Variants in CFAP92 observed in about 807,000 individuals in gnomAD.
CFAP92 encodes the protein cilia and flagella associated protein 92 (putative).
CFAP92 carries 86 observed loss-of-function variants against 106.3 expected under a neutral mutation model. That is an observed-to-expected ratio of 0.81 (90% CI 0.68 to 0.97). The LOEUF (loss-of-function observed/expected upper bound fraction) is 0.97. Among genes scored for constraint, CFAP92 ranks in the 50% least tolerant of loss-of-function variants. The pLI is 0.00. For synonymous variants in CFAP92, 477 were observed against 506.4 expected, an observed-to-expected ratio of 0.94 and a Z score of 0.78; for missense variants, 1,204 against 1,283.8, an observed-to-expected ratio of 0.94 and a Z score of 0.95.
chr3:128,947,818 C>T (rs1489073702), intron 9 of CFAP92, among the ~76,000 whole-genome samples: 1 of 151,340 alleles, frequency 6.6e-6, no homozygotes, highest in Non-Finnish European at 1.5e-5. Flanking sequence ...ACCTGGACAA[C>T]AAATGAGATT....
upstream of CFAP92, among the ~76,000 whole-genome samples, chr3:128,998,738 T>C (rs542211227): frequency 2.0e-5 from 3 of 152,176 alleles, no homozygotes; most frequent in Non-Finnish European, 4.4e-5. Flanking sequence ...TCTGGAGCAG[T>C]GTCTGCAAAG....
chr3:129,026,237 G>A, the CFAP92 span, among the ~76,000 whole-genome samples: 3 of 152,224 alleles, frequency 2.0e-5, no homozygotes, highest in Non-Finnish European at 2.9e-5. Context: ...CTAGGAGGTG[G>A]AGTGTGGGGA....
intron 12 of CFAP92, among the ~76,000 whole-genome samples, chr3:128,925,423 G>T (rs544524268): frequency 6.6e-6 from 1 of 152,094 alleles, no homozygotes; most frequent in Non-Finnish European, 1.5e-5. Flanking sequence ...AACAGGCCTC[G>T]AACTGCTACT....
upstream of CFAP92, chr3:129,003,972 TG>T (rs1378990674): frequency 6.8e-7 from 1 of 1,472,464 alleles, no homozygotes; most frequent in East Asian, 3.0e-5. Flanking sequence ...CGGCAGGTGG[TG>T]CTGCGCAGCC....
the CFAP92 span, among the ~76,000 whole-genome samples, chr3:129,025,961 C>G: frequency 1.3e-5 from 2 of 152,228 alleles, no homozygotes; most frequent in Non-Finnish European, 2.9e-5. Flanking sequence ...TTGTGCCTGG[C>G]ATGTGGGCCT....
chr3:128,997,263 A>G (rs528741671), upstream of CFAP92, among the ~76,000 whole-genome samples: 1 of 152,328 alleles, frequency 6.6e-6, no homozygotes, highest in South Asian at 2.1e-4. Context: ...CATATTGGGA[A>G]TCAGCTACAT....
In CFAP92 at chr3:128,910,058, C is replaced by A; in HGVS notation, c.*241G>T. 1 of 1,613,938 alleles carries A rather than the reference C, an allele frequency of 6.2e-7. No individual in the cohort carries two copies. The highest frequency in any genetic ancestry group is 8.5e-7 in the Non-Finnish European group (1 of 1,180,004). Reference sequence around the variant, plus strand: ...GAGCAGCTGGTACTGAAGCGGGTGGCCAACATCCTCATCAACCTGTATGGC... The same window carrying A: ...GAGCAGCTGGTACTGAAGCGGGTGGACAACATCCTCATCAACCTGTATGGC... On this transcript the variant is annotated 3_prime_UTR_variant, in exon 16 of 16. Transcript: ENST00000645291.
At chr3:129,020,212 T>G in the CFAP92 span, among the ~76,000 whole-genome samples, 16 of 152,306 alleles carry the variant, frequency 1.1e-4, no homozygotes, top group Non-Finnish European at 2.1e-4. Context: ...AAAGGAAAGA[T>G]GAACAAGCAG....
intron 12 of CFAP92, among the ~76,000 whole-genome samples, chr3:128,927,154 T>C (rs1937750908): frequency 6.6e-6 from 1 of 151,870 alleles, no homozygotes; most frequent in Admixed American, 6.6e-5. Flanking sequence ...AAAGAGATCA[T>C]ATGAGTACGC....
the CFAP92 span, among the ~76,000 whole-genome samples, chr3:129,007,848 T>C: frequency 0.038 from 5,763 of 152,320 alleles, 281 homozygotes; most frequent in African/African-American, 0.11. Context: ...TCAGTCCTTG[T>C]GTTGTAGGTT....
chr3:128,984,434 T>A (rs549474066), intron 4 of CFAP92, among the ~76,000 whole-genome samples: 7 of 152,296 alleles, frequency 4.6e-5, no homozygotes, highest in African/African-American at 1.7e-4. Context: ...CCGGCCTTCA[T>A]CTTTCTCCCA....
At chr3:128,922,935 G>C (rs994605102) in intron 12 of CFAP92, among the ~76,000 whole-genome samples, 2 of 152,282 alleles carry the variant, frequency 1.3e-5, no homozygotes, top group African/African-American at 4.8e-5. Flanking sequence ...GATAAGCTTC[G>C]ATTTGCTCTC....
rs1043667006 is a variant in CFAP92 at position 128,915,515 on chromosome 3, C to G, written c.2965G>C (p.Val989Leu). ...TYSQDYLSAMVEPLDLKEEEK... is the reference protein window; with the variant it reads ...TYSQDYLSAMLEPLDLKEEEK... ...TCTTCCTTCAAGTCCAGGGGCTCCA[C>G]CATGGCTGAGAGGTAATCCTGTGAG... Residue 989 changes from valine (V) to leucine (L), a missense_variant, in exon 14 of 16, where the codon GTG becomes CTG. Physicochemically the swap from Val to Leu is conservative, Grantham distance 32. Transcript: ENST00000645291. 9.8e-6 allele frequency: 15 copies of G among 1,535,374 alleles called. No individual in the cohort carries two copies. The highest frequency in any genetic ancestry group is 1.2e-5 in the Non-Finnish European group (14 of 1,146,678).
At chr3:129,026,424 C>T in the CFAP92 span, among the ~76,000 whole-genome samples, 1 of 152,164 alleles carries the variant, frequency 6.6e-6, no homozygotes, top group Non-Finnish European at 1.5e-5. Context: ...CAACCTCCAA[C>T]TGTATTCACA....
At chr3:129,016,256 G>C in the CFAP92 span, among the ~76,000 whole-genome samples, 1 of 152,130 alleles carries the variant, frequency 6.6e-6, no homozygotes, top group African/African-American at 2.4e-5. Context: ...TTGACTTTAG[G>C]TAAGGGACAT....
At chr3:128,936,332 T>C (rs1253453679) in intron 10 of CFAP92, among the ~76,000 whole-genome samples, 1 of 152,270 alleles carries the variant, frequency 6.6e-6, no homozygotes, top group Non-Finnish European at 1.5e-5. Context: ...CTGGGAGTTT[T>C]TCTTATTGAT....
chr3:128,933,535 T>C (rs1260940853), intron 11 of CFAP92, among the ~76,000 whole-genome samples: 1 of 152,196 alleles, frequency 6.6e-6, no homozygotes, highest in Admixed American at 6.5e-5. Context: ...TCATGGCTGT[T>C]GGCGGCTCAC....
chr3:128,999,790 G>A (rs1944635104), intron 1 of CFAP92, among the ~76,000 whole-genome samples: 1 of 151,922 alleles, frequency 6.6e-6, no homozygotes, highest in Non-Finnish European at 1.5e-5. Flanking sequence ...CAATCCACCC[G>A]CCTCGGCCTC....
At chr3:129,012,135 T>C in the CFAP92 span, among the ~76,000 whole-genome samples, 1 of 152,372 alleles carries the variant, frequency 6.6e-6, no homozygotes, top group East Asian at 1.9e-4. Context: ...TGCTAACCTA[T>C]GTATGTTGCA....
Sources: allele counts gnomAD v4.1 joint callset (sites outside exome capture counted in the v4.1 genomes callset), GRCh38; gene constraint gnomAD v4.1.1; transcripts MANE v1.5; gene names NCBI Gene and HGNC (gene_info 2026-07-23, HGNC 2026-07-21).